LNPK: variants seen among roughly 807,000 people sequenced by gnomAD.
LNPK encodes the protein endoplasmic reticulum junction formation protein lunapark.
LNPK carries 29 observed loss-of-function variants against 55.2 expected under a neutral mutation model. The ratio of observed to expected loss-of-function variants is 0.53; its 90% CI spans 0.39 to 0.72. The LOEUF (loss-of-function observed/expected upper bound fraction) is 0.72, where lower values mean the gene tolerates loss of function less well. Ranked by LOEUF, LNPK falls within the 30% of genes least tolerant of loss-of-function variation. The pLI is 0.00. For missense variants in LNPK, 467 were observed against 494.8 expected, an observed-to-expected ratio of 0.94 and a Z score of 0.53; for synonymous variants, 162 against 168.2, an observed-to-expected ratio of 0.96 and a Z score of 0.29.
chr2:176,000,407 T>C (rs1688117439), intron 1 of LNPK, among the ~76,000 whole-genome samples: 2 of 152,228 alleles, frequency 1.3e-5, no homozygotes, highest in African/African-American at 4.8e-5. Flanking sequence ...CGACACATAG[T>C]AGTAACTGCT....
intron 8 of LNPK, among the ~76,000 whole-genome samples, chr2:175,960,664 G>A (rs1685974857): frequency 6.6e-6 from 1 of 152,088 alleles, no homozygotes; most frequent in Admixed American, 6.6e-5. Flanking sequence ...AGAAGCAAGA[G>A]CAAACACATT....
chr2:175,945,496 A>C, intron 9 of LNPK, among the ~76,000 whole-genome samples: 1 of 135,416 alleles, frequency 7.4e-6, no homozygotes, highest in Non-Finnish European at 1.6e-5. Context: ...ACAGAACAAG[A>C]CTGTGTCTCA....
chr2:175,961,504 C>A (rs1232450106), intron 8 of LNPK, among the ~76,000 whole-genome samples: 1 of 152,118 alleles, frequency 6.6e-6, no homozygotes, highest in Admixed American at 6.5e-5. Context: ...ATTCAACAGC[C>A]CTTCATGCTA....
chr2:175,936,993 T>C (rs1162338950), intron 12 of LNPK, among the ~76,000 whole-genome samples: 1 of 152,192 alleles, frequency 6.6e-6, no homozygotes, highest in Non-Finnish European at 1.5e-5. Flanking sequence ...ATTTTATCCT[T>C]TGAACAGTTG....
At chr2:175,998,542 T>C (rs1357801306) in intron 1 of LNPK, among the ~76,000 whole-genome samples, 2 of 152,102 alleles carry the variant, frequency 1.3e-5, no homozygotes, top group Non-Finnish European at 2.9e-5. Flanking sequence ...CCAGTTATTA[T>C]GAATAACACA....
intron 12 of LNPK, among the ~76,000 whole-genome samples, chr2:175,931,884 A>C (rs994798344): frequency 2.6e-5 from 4 of 152,214 alleles, no homozygotes; most frequent in Non-Finnish European, 5.9e-5. Context: ...AGGAGTCACC[A>C]ATCATTTGTA....
chr2:175,988,327 C>T (rs1451432780), intron 4 of LNPK, among the ~76,000 whole-genome samples: 1 of 151,374 alleles, frequency 6.6e-6, no homozygotes. Flanking sequence ...CATGCTGACA[C>T]CCCATCTCTA....
At position 175,926,455 on chromosome 2, in the gene LNPK, T is replaced by C. The variant is rs773746186; in HGVS notation, c.*3512A>G. The C allele has an allele frequency of 6.6e-6, 1 of 152,266 alleles. No homozygotes were observed. The highest frequency in any genetic ancestry group is 1.5e-5 in the Non-Finnish European group (1 of 68,080). The allele number at this position is 152,266 out of a possible 1,614,324, so 9.4% of individuals were successfully genotyped here. A position where few individuals can be genotyped will look rare whatever the true frequency, so the allele number is the denominator to read the frequency against. ...TCACCAGATGCTAGCATCATGCCTTTGGATTTCCCAGGTTCCAGAACTGTG... is the reference window on the plus strand; with the variant it reads ...TCACCAGATGCTAGCATCATGCCTTCGGATTTCCCAGGTTCCAGAACTGTG... On this transcript the variant is annotated 3_prime_UTR_variant, in exon 13 of 13. Coordinates refer to ENST00000272748, the MANE Select transcript of LNPK (RefSeq NM_030650.3).
At chr2:175,975,110 A>C (rs1429674317) in intron 5 of LNPK, among the ~76,000 whole-genome samples, 1 of 151,776 alleles carries the variant, frequency 6.6e-6, no homozygotes, top group Admixed American at 6.6e-5. Flanking sequence ...ATATTACTAA[A>C]TATCACCAAA....
chr2:175,949,391 GGATTT>G (rs1362155145), intron 8 of LNPK, among the ~76,000 whole-genome samples: 1 of 151,882 alleles, frequency 6.6e-6, no homozygotes, highest in Non-Finnish European at 1.5e-5. Context: ...AATCATATTA[GGATTT>G]GATAATTTAA....
intron 11 of LNPK, 188 bp from the exon 12 acceptor site, chr2:175,937,702 A>T (rs543028801): frequency 2.3e-6 from 1 of 436,606 alleles, no homozygotes; most frequent in South Asian, 5.0e-5. Flanking sequence ...TAATTATTAG[A>T]ATTTTAATTT....
At chr2:175,946,752 T>C (rs933474198) in intron 9 of LNPK, among the ~76,000 whole-genome samples, 1 of 152,074 alleles carries the variant, frequency 6.6e-6, no homozygotes, top group Non-Finnish European at 1.5e-5. Flanking sequence ...ACAAAATAAA[T>C]AATTTACTAA....
chr2:175,959,415 A>G (rs1038881727), intron 8 of LNPK, among the ~76,000 whole-genome samples: 6 of 152,116 alleles, frequency 3.9e-5, no homozygotes, highest in African/African-American at 1.2e-4. Flanking sequence ...AATATTCAAC[A>G]TTCTTAAAAG....
intron 4 of LNPK, among the ~76,000 whole-genome samples, chr2:175,991,950 C>G (rs1050905571): frequency 6.6e-6 from 1 of 152,080 alleles, no homozygotes; most frequent in Non-Finnish European, 1.5e-5. Context: ...TGCCCAGTGC[C>G]CTTCGGGGAG....
intron 11 of LNPK, 75 bp downstream of exon 11, chr2:175,938,238 C>T (rs1286665927): frequency 1.5e-5 from 13 of 872,944 alleles, no homozygotes; most frequent in Non-Finnish European, 2.1e-5. Flanking sequence ...AATAAAATGA[C>T]ACTGCATAGA....
chr2:175,978,168 A>G (rs1252410812), intron 5 of LNPK, among the ~76,000 whole-genome samples: 1 of 152,220 alleles, frequency 6.6e-6, no homozygotes, highest in Non-Finnish European at 1.5e-5. Context: ...AAAATTAAAA[A>G]TAACAACAAT....
intron 8 of LNPK, among the ~76,000 whole-genome samples, chr2:175,949,015 T>C (rs780663805): frequency 2.0e-5 from 3 of 152,196 alleles, no homozygotes; most frequent in Non-Finnish European, 2.9e-5. Context: ...TGCAAACTGA[T>C]AGCTCACATT....
intron 8 of LNPK, 52 bp from the exon 9 acceptor site, chr2:175,947,744 C>A: frequency 2.4e-6 from 3 of 1,241,224 alleles, no homozygotes; most frequent in South Asian, 1.7e-5. Context: ...CCATATTAGC[C>A]AGTATCACAA....
chr2:175,953,996 T>C (rs1324789300), intron 8 of LNPK, among the ~76,000 whole-genome samples: 2 of 152,118 alleles, frequency 1.3e-5, no homozygotes, highest in Non-Finnish European at 2.9e-5. Flanking sequence ...AGGTGCCAAG[T>C]TGTTTCTCTC....
Sources: allele counts gnomAD v4.1 joint callset (sites outside exome capture counted in the v4.1 genomes callset), GRCh38; gene constraint gnomAD v4.1.1; transcripts MANE v1.5; gene names NCBI Gene and HGNC (gene_info 2026-07-23, HGNC 2026-07-21).